The following ITPRID1 variants were observed in gnomAD, a reference collection of about 807,000 sequenced individuals.
ITPRID1 encodes the protein protein ITPRID1.
Under a neutral mutation model 95.4 loss-of-function variants are expected in ITPRID1, and 96 were observed. The observed-to-expected ratio is 1.01, with a 90% CI of 0.85 to 1.19. The LOEUF (loss-of-function observed/expected upper bound fraction) is 1.19. ITPRID1 is among the 50% of genes most tolerant of loss of function. The pLI is 0.00. For missense variants in ITPRID1, 1,339 were observed against 1,252.9 expected (o/e 1.07, Z -1.04); for synonymous variants, 510 against 453.6 (o/e 1.12, Z -1.58).
chr7:31,613,747 G>A (rs181907151), intron 10 of ITPRID1, among the ~76,000 whole-genome samples: 68 of 152,252 alleles, frequency 4.5e-4, no homozygotes, highest in African/African-American at 1.6e-3. Context: ...ATAACCAACA[G>A]CACTCTGGGC....
chr7:31,519,620 C>CTCTATATATATATA, intron 1 of ITPRID1, among the ~76,000 whole-genome samples: 20 of 25,252 alleles, frequency 7.9e-4, no homozygotes, highest in African/African-American at 2.3e-3. Context: ...CTCTCTCTCT[C>CTCTATATATATATA]TATATATATA....
intron 1 of ITPRID1, among the ~76,000 whole-genome samples, chr7:31,537,962 A>G (rs946199402): frequency 2.0e-5 from 3 of 152,182 alleles, no homozygotes; most frequent in African/African-American, 7.2e-5. Context: ...CATTGTCACT[A>G]TTATTTTCAA....
At chr7:31,549,004 C>T (rs922257560) in intron 1 of ITPRID1, among the ~76,000 whole-genome samples, 60 of 151,864 alleles carry the variant, frequency 4.0e-4, no homozygotes, top group African/African-American at 3.1e-4. Flanking sequence ...TAGGAAGGCC[C>T]GAACTGAGGC....
chr7:31,636,526 T>G (rs540627988), intron 10 of ITPRID1, among the ~76,000 whole-genome samples: 15 of 152,160 alleles, frequency 9.9e-5, no homozygotes, highest in Non-Finnish European at 5.9e-5. Context: ...TTCGAAAGTC[T>G]GTCTTGTCCA....
intron 9 of ITPRID1, among the ~76,000 whole-genome samples, chr7:31,580,062 G>A (rs1785339729): frequency 6.6e-6 from 1 of 152,084 alleles, no homozygotes; most frequent in African/African-American, 2.4e-5. Context: ...ACTTTGGGAT[G>A]CTGAGGCAGC....
chr7:31,549,189 T>C (rs1784201367), intron 1 of ITPRID1, among the ~76,000 whole-genome samples: 1 of 152,098 alleles, frequency 6.6e-6, no homozygotes, highest in African/African-American at 2.4e-5. Context: ...TAAAATTTAG[T>C]CTATAATTGA....
intron 1 of ITPRID1, among the ~76,000 whole-genome samples, chr7:31,549,175 A>G (rs945595160): frequency 1.3e-5 from 2 of 152,126 alleles, no homozygotes; most frequent in African/African-American, 4.8e-5. Flanking sequence ...TCTAATTATA[A>G]CCTTAAAATT....
chr7:31,570,437 A>G (rs1373157393), intron 6 of ITPRID1, among the ~76,000 whole-genome samples: 2 of 152,160 alleles, frequency 1.3e-5, no homozygotes, highest in Non-Finnish European at 2.9e-5. Flanking sequence ...GGAATAGACT[A>G]TGAGCTCTTT....
At chr7:31,642,532 C>A in intron 11 of ITPRID1, 150 bp from the exon 12 acceptor site, 1 of 729,552 alleles carries the variant, frequency 1.4e-6, no homozygotes, top group Non-Finnish European at 2.2e-6. Flanking sequence ...GAGAGGAGGA[C>A]CTTGGTAAAG....
chr7:31,636,764 C>T (rs1645193157), intron 10 of ITPRID1, among the ~76,000 whole-genome samples: 1 of 151,264 alleles, frequency 6.6e-6, no homozygotes, highest in Non-Finnish European at 1.5e-5. Flanking sequence ...TTTTAGGGTA[C>T]ATGTGCGTAA....
rs1785257338 is a variant in ITPRID1, at chr7:31,578,118, T to G, written c.854T>G (p.Val285Gly). 1.2e-6 allele frequency: 2 copies of G among 1,613,398 alleles called. No individual in the cohort carries two copies. Among genetic ancestry groups the G allele is most frequent in the Non-Finnish European group, 8.5e-7 (1 of 1,179,676 alleles). Residue 285 changes from valine (V) to glycine (G), a missense_variant, in exon 9 of 15, where the codon GTT (valine) becomes GGT (glycine). Val to Gly is a moderately radical substitution (Grantham distance 109, BLOSUM62 -3). Coordinates refer to ENST00000615280, the MANE Select transcript of ITPRID1 (RefSeq NM_001257967.3). ...ESFKVKDEVF[V>G]PFTKPWDCGA... ...TTCAAGGTGAAGGATGAAGTTTTTG[T>G]TCCCTTTACAAAACCATGGGATTGT...
At chr7:31,599,155 A>T (rs1334377685) in intron 10 of ITPRID1, among the ~76,000 whole-genome samples, 1 of 152,246 alleles carries the variant, frequency 6.6e-6, no homozygotes, top group Non-Finnish European at 1.5e-5. Context: ...TTTGTCAACA[A>T]CATAAGGGCA....
chr7:31,634,792 C>G (rs1319104635), intron 10 of ITPRID1, among the ~76,000 whole-genome samples: 1 of 152,164 alleles, frequency 6.6e-6, no homozygotes, highest in Non-Finnish European at 1.5e-5. Context: ...GTGATAAGAT[C>G]TAGCTGGAGG....
rs181694855 is a variant in ITPRID1 at position 31,549,302 on chromosome 7, C to T, written c.-97-124C>T. ...ATTCTCACTCTCCCAAAAACATCTA[C>T]TTCTCAATCATCCAAACTAAGTAAT... is the stretch of plus-strand genomic sequence containing the variant. On this transcript the variant is annotated intron_variant, in intron 1 of 14. Coordinates refer to ENST00000615280, the MANE Select transcript of ITPRID1 (RefSeq NM_001257967.3). The T allele has an allele frequency of 5.2e-6, 3 of 575,650 alleles. No individual in the cohort carries two copies. In the East Asian group the frequency reaches 9.6e-5, roughly 18 times the overall value. The allele number at this position is 575,650 out of a possible 1,614,324, so 35.7% of individuals were successfully genotyped here.
chr7:31,599,662 T>TTCTTTCTTTC (rs1369270186), intron 10 of ITPRID1, among the ~76,000 whole-genome samples: 17 of 31,424 alleles, frequency 5.4e-4, no homozygotes, highest in African/African-American at 1.2e-3. Context: ...TTTCTTTCCT[T>TTCTTTCTTTC]TCTCTCTCTC....
At chr7:31,573,985 T>A (rs1785085761) in intron 7 of ITPRID1, among the ~76,000 whole-genome samples, 1 of 152,050 alleles carries the variant, frequency 6.6e-6, no homozygotes, top group Non-Finnish European at 1.5e-5. Flanking sequence ...CTTAGCCAAG[T>A]ACAAAAATAA....
At chr7:31,518,376 A>G (rs535502417) in intron 1 of ITPRID1, 1 of 152,204 alleles carries the variant, frequency 6.6e-6, no homozygotes, top group African/African-American at 2.4e-5. Context: ...TGTTTGTGAT[A>G]ATTTGTTATA....
At chr7:31,586,827 A>G (rs1027368282) in intron 10 of ITPRID1, among the ~76,000 whole-genome samples, 1 of 151,830 alleles carries the variant, frequency 6.6e-6, no homozygotes, top group Non-Finnish European at 1.5e-5. Flanking sequence ...TTTGCTGTGC[A>G]GAAGCTCTTT....
chr7:31,626,908 T>A (rs1788517450), intron 10 of ITPRID1, among the ~76,000 whole-genome samples: 1 of 152,310 alleles, frequency 6.6e-6, no homozygotes, highest in South Asian at 2.1e-4. Context: ...GATAAACAAA[T>A]AAATATAGCA....
Sources: allele counts gnomAD v4.1 joint callset (sites outside exome capture counted in the v4.1 genomes callset), GRCh38; gene constraint gnomAD v4.1.1; transcripts MANE v1.5; gene names NCBI Gene and HGNC (gene_info 2026-07-23, HGNC 2026-07-21).